Variants in SLC41A2 observed in about 807,000 individuals in gnomAD.
SLC41A2 encodes the protein solute carrier family 41 member 2, also known as SLC41A1-like 1.
Under a neutral mutation model 58.3 loss-of-function variants are expected in SLC41A2, and 32 were observed. The observed-to-expected ratio is 0.55, with a 90% CI of 0.41 to 0.74. SLC41A2 has a LOEUF of 0.74. SLC41A2 is among the 30% of genes least tolerant of loss of function. The probability of loss-of-function intolerance (pLI) is 0.00; values close to 1 mark genes in which losing one functional copy is unlikely to be tolerated. For missense variants in SLC41A2, 514 were observed against 680.6 expected (o/e 0.76, Z 2.72); for synonymous variants, 190 against 235.0 (o/e 0.81, Z 1.75).
At chr12:104,947,721 T>C (rs2047783768) in intron 1 of SLC41A2, among the ~76,000 whole-genome samples, 1 of 152,048 alleles carries the variant, frequency 6.6e-6, no homozygotes. Flanking sequence ...AAAGTACAAG[T>C]CTTCAGGGAA....
chr12:104,877,910 G>A (rs767149648), intron 6 of SLC41A2, among the ~76,000 whole-genome samples: 32 of 151,994 alleles, frequency 2.1e-4, no homozygotes, highest in Admixed American at 2.0e-4. Flanking sequence ...TCAGGAGGCT[G>A]AGGCACGACC....
intron 1 of SLC41A2, among the ~76,000 whole-genome samples, chr12:104,957,626 A>T (rs1358800932): frequency 6.6e-6 from 1 of 152,242 alleles, no homozygotes; most frequent in African/African-American, 2.4e-5. Context: ...TCTGTAAATG[A>T]GCATTTGGGC....
chr12:104,823,193 T>G (rs2041708426), intron 10 of SLC41A2, among the ~76,000 whole-genome samples: 1 of 152,162 alleles, frequency 6.6e-6, no homozygotes, highest in African/African-American at 2.4e-5. Context: ...CAAAACTCTA[T>G]GTTGAGAGTA....
intron 6 of SLC41A2, among the ~76,000 whole-genome samples, chr12:104,871,519 T>C (rs1333534893): frequency 6.6e-6 from 1 of 152,212 alleles, no homozygotes; most frequent in Non-Finnish European, 1.5e-5. Context: ...GAACTTTCTA[T>C]TTCCATTTGA....
chr12:104,877,631 C>G (rs974369940), intron 6 of SLC41A2, among the ~76,000 whole-genome samples: 1 of 151,890 alleles, frequency 6.6e-6, no homozygotes, highest in African/African-American at 2.4e-5. Context: ...TTCGAAATAC[C>G]GAAAGCTTTA....
intron 8 of SLC41A2, among the ~76,000 whole-genome samples, chr12:104,852,117 A>G (rs1264668308): frequency 6.6e-6 from 1 of 152,232 alleles, no homozygotes; most frequent in Non-Finnish European, 1.5e-5. Context: ...GGGTAAGCCA[A>G]TAAGGGGTAA....
chr12:104,812,872 A>T (rs1269132667), intron 10 of SLC41A2, among the ~76,000 whole-genome samples: 6 of 152,066 alleles, frequency 3.9e-5, no homozygotes, highest in Non-Finnish European at 7.4e-5. Context: ...TTGCAAAAAA[A>T]AAAATTAAGA....
intron 3 of SLC41A2, among the ~76,000 whole-genome samples, chr12:104,907,206 C>CTT (rs10714684): frequency 1.6e-5 from 2 of 126,796 alleles, no homozygotes; most frequent in Non-Finnish European, 3.4e-5. Flanking sequence ...ATGTCCCCAT[C>CTT]TTTTTTTTTT....
chr12:104,933,162 C>T (rs1406625714), intron 1 of SLC41A2, among the ~76,000 whole-genome samples: 5 of 151,946 alleles, frequency 3.3e-5, no homozygotes, highest in African/African-American at 1.2e-4. Flanking sequence ...CCAGGTTCTA[C>T]AAGGAAGTCA....
chr12:104,884,705 T>G (rs1429222882), intron 6 of SLC41A2, among the ~76,000 whole-genome samples: 1 of 152,232 alleles, frequency 6.6e-6, no homozygotes, highest in Non-Finnish European at 1.5e-5. Flanking sequence ...AAAGGGGCAC[T>G]AACTCATGCC....
intron 7 of SLC41A2, among the ~76,000 whole-genome samples, chr12:104,865,649 CT>C (rs1223673305): frequency 6.6e-6 from 1 of 152,118 alleles, no homozygotes; most frequent in Non-Finnish European, 1.5e-5. Context: ...CCTCCTCTGT[CT>C]TTGTGGTTTT....
At chr12:104,853,925 T>TTTTTTTTTTTTA (rs2136381121) in intron 8 of SLC41A2, among the ~76,000 whole-genome samples, 1 of 136,974 alleles carries the variant, frequency 7.3e-6, no homozygotes, top group East Asian at 2.0e-4. Context: ...TTTTTTTTTT[T>TTTTTTTTTTTTA]TTTTTTTTTT....
chr12:104,836,406 T>G (rs1482880971), intron 10 of SLC41A2, among the ~76,000 whole-genome samples: 1 of 152,206 alleles, frequency 6.6e-6, no homozygotes, highest in African/African-American at 2.4e-5. Flanking sequence ...ATATGTAGAT[T>G]GGAAAAGTGG....
At chr12:104,882,369 G>A (rs186835626) in intron 6 of SLC41A2, among the ~76,000 whole-genome samples, 62 of 152,130 alleles carry the variant, frequency 4.1e-4, no homozygotes, top group Non-Finnish European at 7.2e-4. Context: ...CATGATGTTC[G>A]CTGGTTTTTT....
intron 10 of SLC41A2, among the ~76,000 whole-genome samples, chr12:104,838,324 T>C (rs1024402767): frequency 4.6e-5 from 7 of 152,230 alleles, no homozygotes; most frequent in Non-Finnish European, 1.0e-4. Flanking sequence ...AAAACAGAAA[T>C]ACTTATTAGG....
rs1232435588 is a variant in SLC41A2 at position 104,815,617 on chromosome 12, G to C, written c.1537-10280C>G. ...GAAGAAAGATGATTTCTTTGGGAGA[G>C]GAAGGCTTAGAAATATGATACAAAT... On this transcript the variant is annotated intron_variant, in intron 10 of 10. Transcript: ENST00000258538. 7.2e-5 allele frequency among the ~76,000 whole-genome samples: 11 copies of C among 152,050 alleles called. No homozygotes were observed. In the East Asian group the frequency reaches 1.9e-3, roughly 27 times the overall value.
At chr12:104,895,915 T>C (rs2045260057) in intron 3 of SLC41A2, among the ~76,000 whole-genome samples, 1 of 152,178 alleles carries the variant, frequency 6.6e-6, no homozygotes, top group African/African-American at 2.4e-5. Context: ...AAGAACACTC[T>C]CCAAAATAAT....
chr12:104,866,189 C>T (rs566592018), intron 7 of SLC41A2, among the ~76,000 whole-genome samples: 18 of 152,156 alleles, frequency 1.2e-4, no homozygotes, highest in Admixed American at 1.0e-3. Flanking sequence ...AAATTGGTAG[C>T]CACATGAGGT....
rs1323483091 is a variant in SLC41A2 at position 104,802,966 on chromosome 12, T to C, written c.*2186A>G. 1 of 152,128 alleles carries C rather than the reference T, an allele frequency of 6.6e-6. No homozygotes were observed. The highest frequency in any genetic ancestry group is 1.5e-5 in the Non-Finnish European group (1 of 68,022). 9.4% of individuals were successfully genotyped at this position (152,128 alleles called of 1,614,324 possible). On this transcript the variant is annotated 3_prime_UTR_variant, in exon 11 of 11. Transcript: ENST00000258538. ...TTTTGCAGCTGTACAACCTTAGAAA[T>C]GTAAGTTCTCTGAATTTCGGTTTCC... is the stretch of plus-strand genomic sequence containing the variant.
Sources: gnomAD v4.1 joint callset for allele counts (sites outside exome capture counted in the v4.1 genomes callset) on GRCh38, gnomAD v4.1.1 for gene constraint, MANE v1.5 for transcripts, NCBI Gene and HGNC (gene_info 2026-07-23, HGNC 2026-07-21) for gene names.